The following MAPK10 variants were observed in gnomAD, a reference collection of about 807,000 sequenced individuals.
MAPK10 encodes mitogen-activated protein kinase 10, also known as JNK3 alpha protein kinase.
MAPK10 carries 25 observed loss-of-function variants against 59.3 expected under a neutral mutation model. That is an observed-to-expected ratio of 0.42 (90% CI 0.31 to 0.59). The LOEUF (loss-of-function observed/expected upper bound fraction) is 0.59, where lower values mean the gene tolerates loss of function less well. Ranked by LOEUF, MAPK10 falls within the 20% of genes least tolerant of loss-of-function variation. The probability of loss-of-function intolerance (pLI) is 0.15; values close to 1 mark genes in which losing one functional copy is unlikely to be tolerated. For synonymous variants in MAPK10, 190 were observed against 200.5 expected, an observed-to-expected ratio of 0.95 and a Z score of 0.44; for missense variants, 351 against 568.9, an observed-to-expected ratio of 0.62 and a Z score of 3.90.
intron 1 of MAPK10, among the ~76,000 whole-genome samples, chr4:86,533,259 T>C (rs940104286): frequency 1.3e-5 from 2 of 151,414 alleles, no homozygotes; most frequent in African/African-American, 4.9e-5. Context: ...GGGGGGAAAA[T>C]GAAGAGTTAT....
chr4:86,575,303 CA>C (rs1370634441), intron 1 of MAPK10, among the ~76,000 whole-genome samples: 1 of 152,146 alleles, frequency 6.6e-6, no homozygotes. Context: ...ATAATCATGT[CA>C]GCCAATTCCT....
chr4:86,301,610 C>T (rs35788198), intron 2 of MAPK10, among the ~76,000 whole-genome samples: 3,665 of 152,246 alleles, frequency 0.024, 67 homozygotes, highest in Non-Finnish European at 0.037. Context: ...ATACCAGAAA[C>T]TCCTTGCCAG....
chr4:86,212,461 C>T (rs902824380), intron 2 of MAPK10, among the ~76,000 whole-genome samples: 6 of 151,978 alleles, frequency 3.9e-5, no homozygotes, highest in Admixed American at 3.3e-4. Flanking sequence ...TTCAAGGCTG[C>T]AATGGGCCAT....
intron 1 of MAPK10, among the ~76,000 whole-genome samples, chr4:86,508,255 A>G (rs1755955404): frequency 1.3e-5 from 2 of 152,140 alleles, no homozygotes; most frequent in Admixed American, 6.6e-5. Flanking sequence ...TGGCCTGTGG[A>G]ATTGAGTGCA....
At chr4:86,070,871 T>C (rs1260825746) in intron 9 of MAPK10, among the ~76,000 whole-genome samples, 1 of 152,146 alleles carries the variant, frequency 6.6e-6, no homozygotes, top group Non-Finnish European at 1.5e-5. Context: ...TGTGTCTTTA[T>C]AGCAGCATGA....
upstream of MAPK10, chr4:86,457,824 G>A (rs531511480): frequency 1.3e-5 from 2 of 152,054 alleles, no homozygotes; most frequent in African/African-American, 4.8e-5. Flanking sequence ...AAATCCATAC[G>A]GAACCAAAAA....
At chr4:86,197,116 T>G (rs947880991) in intron 2 of MAPK10, among the ~76,000 whole-genome samples, 1 of 152,208 alleles carries the variant, frequency 6.6e-6, no homozygotes, top group Non-Finnish European at 1.5e-5. Context: ...GGTAGCTTGA[T>G]GAGGATAGCA....
intron 1 of MAPK10, among the ~76,000 whole-genome samples, chr4:86,467,584 A>C (rs996629459): frequency 6.6e-6 from 1 of 152,056 alleles, no homozygotes; most frequent in Non-Finnish European, 1.5e-5. Context: ...GAGTGGCGCA[A>C]TCTTGGCTCA....
rs1192450049 is a variant in MAPK10 at position 86,021,594 on chromosome 4, C to T, written c.1253-4224G>A. 6.6e-5 allele frequency among the ~76,000 whole-genome samples: 10 copies of T among 152,370 alleles called. No individual in the cohort carries two copies. In the South Asian group the frequency reaches 1.4e-3, roughly 22 times the overall value. On this transcript the variant is annotated intron_variant, in intron 13 of 13. Coordinates refer to ENST00000641462, the MANE Select transcript of MAPK10 (RefSeq NM_138982.4). The stretch of plus-strand genomic sequence containing the variant: ...CAGGTGGAGCTGCCTGCCAGTCCTG[C>T]GCTGTGCGCTCGCATTCCTCAGCCC...
At chr4:86,133,471 G>A (rs2061366192) in intron 4 of MAPK10, among the ~76,000 whole-genome samples, 1 of 152,122 alleles carries the variant, frequency 6.6e-6, no homozygotes, top group Non-Finnish European at 1.5e-5. Context: ...TAAGCTTAAT[G>A]TGCAATCATA....
chr4:86,318,144 G>A (rs756143516), intron 2 of MAPK10, among the ~76,000 whole-genome samples: 18 of 152,022 alleles, frequency 1.2e-4, no homozygotes, highest in African/African-American at 2.9e-4. Flanking sequence ...TCCAAAGACC[G>A]TCTCTCCAAA....
At chr4:86,163,839 T>C (rs79457925) in intron 3 of MAPK10, among the ~76,000 whole-genome samples, 12,893 of 152,174 alleles carry the variant, frequency 0.085, 1,210 homozygotes, top group African/African-American at 0.23. Context: ...TTAAAAATAA[T>C]GTCATAAAAG....
chr4:86,494,513 A>G (rs1476869420), intron 1 of MAPK10, among the ~76,000 whole-genome samples: 4 of 152,182 alleles, frequency 2.6e-5, no homozygotes, highest in South Asian at 4.1e-4. Flanking sequence ...ACTGGGATCC[A>G]TGACTGGCTT....
chr4:86,582,967 T>C (rs1198121052), intron 1 of MAPK10, among the ~76,000 whole-genome samples: 7 of 152,032 alleles, frequency 4.6e-5, no homozygotes, highest in Admixed American at 4.6e-4. Context: ...TAAAATTTTT[T>C]GTTAAATTGA....
chr4:86,218,789 T>A (rs1248515545), intron 2 of MAPK10, among the ~76,000 whole-genome samples: 2 of 152,164 alleles, frequency 1.3e-5, no homozygotes, highest in Non-Finnish European at 2.9e-5. Context: ...AATCTAACGA[T>A]ATAATGAGCA....
chr4:86,444,144 A>T (rs1368490454), intron 1 of MAPK10, among the ~76,000 whole-genome samples: 7 of 152,194 alleles, frequency 4.6e-5, no homozygotes, highest in Non-Finnish European at 1.0e-4. Context: ...GAAAGCGAGA[A>T]AGCAACTGAA....
chr4:86,546,499 G>A (rs914667153), intron 1 of MAPK10, among the ~76,000 whole-genome samples: 1 of 151,292 alleles, frequency 6.6e-6, no homozygotes, highest in African/African-American at 2.4e-5. Context: ...GGAGGTTGCA[G>A]TGAGACGAGA....
At chr4:86,221,478 T>C (rs944155072) in intron 2 of MAPK10, among the ~76,000 whole-genome samples, 7 of 148,572 alleles carry the variant, frequency 4.7e-5, no homozygotes, top group African/African-American at 1.8e-4. Context: ...AGTATATTTT[T>C]GGTTTTTTTT....
chr4:86,569,947 C>T (rs995356736), intron 1 of MAPK10, among the ~76,000 whole-genome samples: 2 of 151,858 alleles, frequency 1.3e-5, no homozygotes, highest in Non-Finnish European at 2.9e-5. Context: ...ACCCCTAAGT[C>T]CAGAAAAATA....
Sources: allele counts gnomAD v4.1 joint callset (sites outside exome capture counted in the v4.1 genomes callset), GRCh38; gene constraint gnomAD v4.1.1; transcripts MANE v1.5; gene names NCBI Gene and HGNC (gene_info 2026-07-23, HGNC 2026-07-21).